SLC35D2: variants seen among roughly 807,000 people sequenced by gnomAD.
The protein encoded by SLC35D2 is solute carrier family 35 member D2.
Under a neutral mutation model 41.8 loss-of-function variants are expected in SLC35D2, and 43 were observed. The ratio of observed to expected loss-of-function variants is 1.03; its 90% CI spans 0.81 to 1.33. SLC35D2 has a LOEUF of 1.33. SLC35D2 is among the 40% of genes most tolerant of loss of function. The pLI is 0.00. For missense variants in SLC35D2, 380 were observed against 408.4 expected (o/e 0.93, Z 0.60); for synonymous variants, 150 against 163.9 (o/e 0.92, Z 0.65).
chr9:96,329,478 C>T (rs1828709659), intron 9 of SLC35D2, among the ~76,000 whole-genome samples: 1 of 152,152 alleles, frequency 6.6e-6, no homozygotes, highest in African/African-American at 2.4e-5. Context: ...TCCCACTCAG[C>T]CTCCCAAACA....
At chr9:96,315,740 T>C (rs1285530718), downstream of SLC35D2, among the ~76,000 whole-genome samples, 2 of 152,104 alleles carry the variant, frequency 1.3e-5, no homozygotes, top group Non-Finnish European at 2.9e-5. Flanking sequence ...GCTAGATCCT[T>C]ATTTTTCTTT....
In SLC35D2 at chr9:96,383,673, G is replaced by A. The variant is rs945322083; in HGVS notation, c.-39C>T. On this transcript the variant is annotated 5_prime_UTR_variant, in exon 1 of 12. Coordinates refer to ENST00000253270, the MANE Select transcript of SLC35D2 (RefSeq NM_007001.3). The stretch of plus-strand genomic sequence containing the variant: ...GCGGACCCCGCCGCCCGCCAGCCCC[G>A]GCTGCGCACTGGTCCCGCCCGGCCG... 6.0e-6 allele frequency: 6 copies of A among 999,428 alleles called. No homozygotes were observed. The highest frequency in any genetic ancestry group is 5.2e-5 in the African/African-American group (3 of 57,198). 61.9% of individuals were successfully genotyped at this position (999,428 alleles called of 1,614,324 possible).
At chr9:96,362,874 T>G (rs529659202) in intron 3 of SLC35D2, among the ~76,000 whole-genome samples, 22 of 151,050 alleles carry the variant, frequency 1.5e-4, no homozygotes, top group South Asian at 1.5e-3. Context: ...TGTTTTGTTT[T>G]TTTTTTTTTT....
downstream of SLC35D2, among the ~76,000 whole-genome samples, chr9:96,317,852 G>A (rs1291553522): frequency 1.4e-5 from 2 of 145,590 alleles, no homozygotes; most frequent in African/African-American, 2.7e-5. Flanking sequence ...GTGAAACCCA[G>A]TCGCTACCAA....
chr9:96,366,517 A>ATTTTTTT (rs34820429), intron 2 of SLC35D2, among the ~76,000 whole-genome samples: 2 of 103,588 alleles, frequency 1.9e-5, no homozygotes, highest in African/African-American at 3.8e-5. Context: ...CTTATCACTG[A>ATTTTTTT]TTTTTTTTTT....
rs1829789425 is a variant in SLC35D2 at position 96,351,049 on chromosome 9, C to A, written c.488+54G>T. ...ATGAAAAACTGAGGATGGGGCTGGG[C>A]CTATTGTCAAAGACACAAAGAAGTT... On this transcript the variant is annotated intron_variant, in intron 6 of 11. Coordinates refer to ENST00000253270, the MANE Select transcript of SLC35D2 (RefSeq NM_007001.3). The A allele has an allele frequency of 3.1e-6, 4 of 1,284,564 alleles. No individual in the cohort carries two copies. The East Asian group carries it at 9.2e-5, about 30-fold the overall frequency. 79.6% of individuals were successfully genotyped at this position (1,284,564 alleles called of 1,614,324 possible). A position where few individuals can be genotyped will look rare whatever the true frequency, so the allele number is the denominator to read the frequency against.
At chr9:96,366,744 A>C (rs1564121678) in intron 2 of SLC35D2, among the ~76,000 whole-genome samples, 1 of 150,418 alleles carries the variant, frequency 6.6e-6, no homozygotes. Context: ...CCAAAGTGCT[A>C]GGATTATAGG....
At chr9:96,369,002 TG>T (rs1564123507) in intron 1 of SLC35D2, among the ~76,000 whole-genome samples, 1 of 152,112 alleles carries the variant, frequency 6.6e-6, no homozygotes, top group Non-Finnish European at 1.5e-5. Flanking sequence ...TGACCTCAAA[TG>T]ATCTGCCCGC....
chr9:96,345,621 A>G (rs1161968656), intron 6 of SLC35D2, among the ~76,000 whole-genome samples: 3 of 152,208 alleles, frequency 2.0e-5, no homozygotes, highest in Admixed American at 6.5e-5. Context: ...TTAAAACCAG[A>G]GCGACATTAA....
rs1002796296 is a variant in SLC35D2 at position 96,351,102 on chromosome 9, C to T, written c.488+1G>A. 2 of 1,608,230 alleles carry T rather than the reference C, an allele frequency of 1.2e-6. No homozygotes were observed. The highest frequency in any genetic ancestry group is 3.3e-5 in the Admixed American group (2 of 59,992). On this transcript the variant is annotated splice_donor_variant, in intron 6 of 11. Transcript: ENST00000253270. LOFTEE classifies it high-confidence loss of function. ...TGAGCAGAAACAGTCCAAAGTCTTA[C>T]CCAGCTGCTATGAAAGCCCCGAGAA...
chr9:96,327,709 C>T (rs1828607219), intron 9 of SLC35D2, among the ~76,000 whole-genome samples: 1 of 151,850 alleles, frequency 6.6e-6, no homozygotes, highest in African/African-American at 2.4e-5. Context: ...GCAGCCTCCA[C>T]CTCCCAGGCT....
At chr9:96,338,005 A>AAAAAAAAAAAAAAAAAAAG (rs373089900) in intron 8 of SLC35D2, among the ~76,000 whole-genome samples, 1 of 104,796 alleles carries the variant, frequency 9.5e-6, no homozygotes, top group African/African-American at 4.3e-5. Flanking sequence ...AAAAAAAAAA[A>AAAAAAAAAAAAAAAAAAAG]CTCAATTTCT....
Position 96,383,597 on chromosome 9 carries a change from C to G in SLC35D2, c.38G>C (p.Gly13Ala). 1 of 1,395,982 alleles carries G rather than the reference C, an allele frequency of 7.2e-7. No individual in the cohort carries two copies. The highest frequency in any genetic ancestry group is 1.5e-5 in the South Asian group (1 of 67,706). The allele number at this position is 1,395,982 out of a possible 1,614,324, so 86.5% of individuals were successfully genotyped here. Residue 13 changes from glycine to alanine, a missense_variant, in exon 1 of 12, where the codon GGC becomes GCC. Physicochemically the swap from Gly to Ala is moderately conservative, Grantham distance 60. Transcript: ENST00000253270. ...CAGCCGCGCCGCGCCGGGCTCCCCG[C>G]CAGCGCCCTCGGCCTCGGCCTGGCC... ...AGGQAEAEGA[G>A]GEPGAARLPS...
intron 1 of SLC35D2, among the ~76,000 whole-genome samples, chr9:96,378,803 C>T (rs1831062946): frequency 6.6e-6 from 1 of 152,000 alleles, no homozygotes. Context: ...GTGGTGCACA[C>T]CTGTAGTCTC....
intron 8 of SLC35D2, among the ~76,000 whole-genome samples, chr9:96,340,640 A>C (rs948076851): frequency 4.7e-5 from 7 of 150,410 alleles, no homozygotes; most frequent in South Asian, 2.1e-4. Flanking sequence ...AAAAAAAAAA[A>C]AAAAAAAAAA....
downstream of SLC35D2, among the ~76,000 whole-genome samples, chr9:96,317,390 C>G (rs1828078430): frequency 1.3e-5 from 2 of 152,212 alleles, no homozygotes; most frequent in African/African-American, 4.8e-5. Flanking sequence ...CACTTCTCCA[C>G]CTCCAGCACC....
intron 3 of SLC35D2, among the ~76,000 whole-genome samples, chr9:96,360,891 G>A (rs963806165): frequency 6.6e-5 from 10 of 151,772 alleles, no homozygotes; most frequent in East Asian, 2.0e-4. Flanking sequence ...ACAGGCATCC[G>A]CCACCATGCC....
At chr9:96,324,040 G>A (rs748210789) in intron 10 of SLC35D2, 51 bp downstream of exon 10, 1 of 1,496,338 alleles carries the variant, frequency 6.7e-7, no homozygotes, top group Non-Finnish European at 9.3e-7. Context: ...GGAATATTTG[G>A]ATTTCCATTC....
rs753892663 is a variant in SLC35D2, at chr9:96,383,517, G to A, written c.118C>T (p.Leu40Phe). 2.0e-6 allele frequency: 3 copies of A among 1,535,000 alleles called. No homozygotes were observed. The South Asian group carries it at 3.6e-5, about 18-fold the overall frequency. Reference sequence around the variant, plus strand: ...AGCGCCTTGTTGACAAGCACGATGAGGAAGGAGCAGGTCCCGTAGAAGAGC... The same window carrying A: ...AGCGCCTTGTTGACAAGCACGATGAAGAAGGAGCAGGTCCCGTAGAAGAGC... ...SALFYGTCSF[L>F]IVLVNKALLT... Residue 40 changes from leucine to phenylalanine, a missense_variant, in exon 1 of 12, where the codon CTC becomes TTC. Leu to Phe is a conservative substitution (Grantham distance 22). Coordinates refer to ENST00000253270, the MANE Select transcript of SLC35D2 (RefSeq NM_007001.3).
Sources: allele counts gnomAD v4.1 joint callset (sites outside exome capture counted in the v4.1 genomes callset), GRCh38; gene constraint gnomAD v4.1.1; transcripts MANE v1.5; gene names NCBI Gene and HGNC (gene_info 2026-07-23, HGNC 2026-07-21).